SULF2: variants seen among roughly 807,000 people sequenced by gnomAD.
SULF2 encodes the protein extracellular sulfatase Sulf-2.
A neutral mutation model predicts 107.7 loss-of-function variants in SULF2; 52 were observed. That is an observed-to-expected ratio of 0.48 (90% CI 0.39 to 0.61). SULF2 has a LOEUF of 0.61. Ranked by LOEUF, SULF2 falls within the 20% of genes least tolerant of loss-of-function variation. The pLI is 0.00. For missense variants in SULF2, 993 were observed against 1,177.3 expected (o/e 0.84, Z 2.29); for synonymous variants, 460 against 464.3 (o/e 0.99, Z 0.12).
At chr20:47,762,316 T>C (rs1401396455) in intron 1 of SULF2, among the ~76,000 whole-genome samples, 1 of 152,190 alleles carries the variant, frequency 6.6e-6, no homozygotes, top group African/African-American at 2.4e-5. Flanking sequence ...TGGGGTGCCC[T>C]ACAAATAGCA....
chr20:47,665,177 GGT>G lies in SULF2; in HGVS notation c.1997+20_1997+21del. On this transcript the variant is annotated intron_variant, in intron 14 of 20. Coordinates refer to ENST00000688720, the MANE Select transcript of SULF2 (RefSeq NM_001387048.1). Reference sequence around the variant, plus strand: ...CTGTAGGAGAGTGGGGTCTTAGGGAGGTCCCTTTGCTACTGCCTCACCTGATT... The same window carrying G: ...CTGTAGGAGAGTGGGGTCTTAGGGAGCCCTTTGCTACTGCCTCACCTGATT... 6.5e-7 allele frequency: 1 copy of G among 1,535,478 alleles called. No homozygotes were observed. The highest frequency in any genetic ancestry group is 9.0e-7 in the Non-Finnish European group (1 of 1,108,218).
In SULF2 at chr20:47,736,959, G is replaced by A. The variant is rs776797443; in HGVS notation, c.176-17C>T. The stretch of plus-strand genomic sequence containing the variant: ...GCATGGAACCTGCAAGTCAAGGGTG[G>A]AAGTAAGGCGCAGGGCAGGAGACCC... On this transcript the variant is annotated splice_polypyrimidine_tract_variant and intron_variant, in intron 2 of 20. Coordinates refer to ENST00000688720, the MANE Select transcript of SULF2 (RefSeq NM_001387048.1). 19 of 1,613,884 alleles carry A rather than the reference G, an allele frequency of 1.2e-5. No individual in the cohort carries two copies. The East Asian group carries it at 3.3e-4, about 28-fold the overall frequency.
In SULF2 at chr20:47,664,160, T is replaced by A; in HGVS notation, c.2027A>T (p.Lys676Met). 1 of 1,613,422 alleles carries A rather than the reference T, an allele frequency of 6.2e-7. No homozygotes were observed. Among genetic ancestry groups the A allele is most frequent in the Non-Finnish European group, 8.5e-7 (1 of 1,179,838 alleles). ...SYHTQHKGRL[K>M]HRGSSLHPFR... ...AGGATGCAGACTGGAGCCTCTGTGC[T>A]TGAGGCGGCCTTTGTGCTGGGTGTG... The change falls in exon 15 of 21, where the codon AAG becomes ATG. Residue 676 changes from lysine (K) to methionine (M), a missense_variant. Transcript: ENST00000688720.
chr20:47,747,018 T>TATATATATATATATATACAC (rs1232551264), intron 2 of SULF2, among the ~76,000 whole-genome samples: 2 of 75,116 alleles, frequency 2.7e-5, no homozygotes, highest in African/African-American at 8.2e-5. Flanking sequence ...TATATATATA[T>TATATATATATATATATACAC]ACACACACAC....
At chr20:47,718,105 C>T (rs2089180048) in intron 3 of SULF2, among the ~76,000 whole-genome samples, 1 of 152,192 alleles carries the variant, frequency 6.6e-6, no homozygotes, top group South Asian at 2.1e-4. Context: ...GCGTGAGCCA[C>T]CTGGCCTGGC....
In SULF2 at chr20:47,664,169, C is replaced by T; in HGVS notation, c.2018G>A (p.Gly673Asp). The T allele has an allele frequency of 1.2e-6, 2 of 1,613,096 alleles. No individual in the cohort carries two copies. The highest frequency in any genetic ancestry group is 1.1e-5 in the South Asian group (1 of 90,802). The change falls in exon 15 of 21, where the codon GGC (glycine) becomes GAC (aspartate). Residue 673 changes from glycine to aspartate, a missense_variant. Around this residue, in one of 3 missense-constraint regions of SULF2, gnomAD observed 497 missense variants for 544.1 expected, o/e 0.91. Transcript: ENST00000688720. ...HKISYHTQHK[G>D]RLKHRGSSLH... ...ACTGGAGCCTCTGTGCTTGAGGCGG[C>T]CTTTGTGCTGGGTGTGGTAGCTGTA...
intron 3 of SULF2, among the ~76,000 whole-genome samples, chr20:47,708,909 C>T (rs2088833051): frequency 2.0e-5 from 3 of 152,196 alleles, no homozygotes; most frequent in Non-Finnish European, 4.4e-5. Flanking sequence ...TTTCCTTTCT[C>T]CAACCCCCAA....
chr20:47,721,128 T>C (rs981238049), intron 3 of SULF2, among the ~76,000 whole-genome samples: 3 of 127,384 alleles, frequency 2.4e-5, no homozygotes, highest in African/African-American at 8.9e-5. Context: ...ACAGCCTGAG[T>C]CGAGTTCTTC....
intron 2 of SULF2, among the ~76,000 whole-genome samples, chr20:47,742,830 T>C (rs1258573255): frequency 6.6e-6 from 1 of 151,608 alleles, no homozygotes; most frequent in Non-Finnish European, 1.5e-5. Context: ...TCATAGGAAA[T>C]GCTGAATGAA....
chr20:47,718,726 C>T (rs1053799023), intron 3 of SULF2, among the ~76,000 whole-genome samples: 1 of 152,012 alleles, frequency 6.6e-6, no homozygotes, highest in African/African-American at 2.4e-5. Context: ...ATGAGGAGGA[C>T]AGATTTGCCC....
rs191101203 is a variant in SULF2 at position 47,704,434 on chromosome 20, G to A, written c.416-1764C>T. On this transcript the variant is annotated intron_variant, in intron 3 of 20. Coordinates refer to ENST00000688720, the MANE Select transcript of SULF2 (RefSeq NM_001387048.1). ...ACTACAGGCGCATGCCACCATGCCT[G>A]GCTTATTTTTGTAGTTTTTGTAGAG... Among the ~76,000 whole-genome samples the A allele has an allele frequency of 6.0e-4, 91 of 152,084 alleles. 1 individual carries two copies. In the East Asian group the frequency reaches 0.015, roughly 25 times the overall value.
intron 3 of SULF2, among the ~76,000 whole-genome samples, chr20:47,727,211 C>T (rs1358885287): frequency 6.6e-6 from 1 of 152,152 alleles, no homozygotes; most frequent in Admixed American, 6.5e-5. Context: ...TGGATCAGAG[C>T]GGGCTCTAGT....
intron 2 of SULF2, among the ~76,000 whole-genome samples, chr20:47,746,614 G>C (rs570761031): frequency 8.3e-4 from 127 of 152,276 alleles, no homozygotes; most frequent in Non-Finnish European, 1.6e-3. Flanking sequence ...GGAGAGAAAG[G>C]CCTGGGGCAC....
intron 1 of SULF2, among the ~76,000 whole-genome samples, chr20:47,765,059 G>T (rs762234668): frequency 5.3e-5 from 8 of 152,108 alleles, no homozygotes; most frequent in Non-Finnish European, 1.2e-4. Context: ...TCCAACAAGA[G>T]GAGGAGAGAG....
In SULF2 at chr20:47,666,161, C is replaced by T; in HGVS notation, c.1805+99G>A. 6.2e-7 allele frequency: 1 copy of T among 1,609,784 alleles called. No homozygotes were observed. The highest frequency in any genetic ancestry group is 8.5e-7 in the Non-Finnish European group (1 of 1,179,340). On this transcript the variant is annotated intron_variant, in intron 12 of 20. Transcript: ENST00000688720. The surrounding 1 kb of genome is among the most constrained non-coding windows in gnomAD (Gnocchi z 5.4). The stretch of plus-strand genomic sequence containing the variant: ...CCAGTGCCACTGAAGTCCCCACCAT[C>T]CTTGTCATCTTGGTCCTCAGGGGCC...
chr20:47,780,015 CTTTTT>C (rs74178766), intron 1 of SULF2, among the ~76,000 whole-genome samples: 11 of 120,494 alleles, frequency 9.1e-5, no homozygotes, highest in Non-Finnish European at 1.3e-4. Flanking sequence ...CCCTAGTTGA[CTTTTT>C]TTTTTTTTTT....
At chr20:47,711,801 T>C (rs928576071) in intron 3 of SULF2, among the ~76,000 whole-genome samples, 1 of 152,166 alleles carries the variant, frequency 6.6e-6, no homozygotes, top group South Asian at 2.1e-4. Flanking sequence ...TATACACACA[T>C]GCATGAATAC....
intron 5 of SULF2, among the ~76,000 whole-genome samples, chr20:47,686,625 C>A (rs2088012909): frequency 6.6e-6 from 1 of 152,218 alleles, no homozygotes; most frequent in Non-Finnish European, 1.5e-5. Context: ...GTCAGAGGGG[C>A]ACAGACATGT....
intron 1 of SULF2, among the ~76,000 whole-genome samples, chr20:47,773,495 G>A (rs79603130): frequency 0.039 from 5,927 of 152,336 alleles, 171 homozygotes; most frequent in African/African-American, 0.073. Flanking sequence ...AGCCGAGCAC[G>A]GCAGTGTGGC....
Sources: allele counts gnomAD v4.1 joint callset (sites outside exome capture counted in the v4.1 genomes callset), GRCh38; gene constraint gnomAD v4.1.1; regional missense constraint gnomAD v4.1.1; non-coding constraint Gnocchi (gnomAD v3.1); transcripts MANE v1.5; gene names NCBI Gene and HGNC (gene_info 2026-07-23, HGNC 2026-07-21).